The following PRDM5 variants were observed in gnomAD, a reference collection of about 807,000 sequenced individuals.
PRDM5 encodes PR domain zinc finger protein 5.
In PRDM5, 56 loss-of-function variants were observed where a neutral mutation model predicts 81.2. The observed-to-expected ratio is 0.69, with a 90% confidence interval of 0.56 to 0.86. PRDM5 has a LOEUF of 0.86. Among genes scored for constraint, PRDM5 ranks in the 40% least tolerant of loss-of-function variants. PRDM5 has a pLI of 0.00. For missense variants in PRDM5, 697 were observed against 770.1 expected (o/e 0.91, Z 1.12); for synonymous variants, 267 against 256.4 (o/e 1.04, Z -0.39).
At position 120,698,063 on chromosome 4, in the gene PRDM5, C is replaced by T. The variant is rs1220314081; in HGVS notation, c.1729-2788G>A. On this transcript the variant is annotated intron_variant, in intron 15 of 15. Transcript: ENST00000264808. The stretch of plus-strand genomic sequence containing the variant: ...TTGTCTTCTTTTGTCTCCATATTTC[C>T]TCATTCTTCTCTAATTAAAAAGTAC... 2.0e-5 allele frequency among the ~76,000 whole-genome samples: 3 copies of T among 151,790 alleles called. No homozygotes were observed. The East Asian group carries it at 5.8e-4, about 29-fold the overall frequency.
chr4:120,872,312 G>A (rs1223741668), intron 2 of PRDM5, among the ~76,000 whole-genome samples: 1 of 151,970 alleles, frequency 6.6e-6, no homozygotes, highest in African/African-American at 2.4e-5. Flanking sequence ...TTCCACTGAG[G>A]AATGAATGGA....
At chr4:120,724,548 G>A (rs994559897) in intron 14 of PRDM5, among the ~76,000 whole-genome samples, 4 of 152,168 alleles carry the variant, frequency 2.6e-5, no homozygotes, top group Admixed American at 1.3e-4. Context: ...ACATAGAACT[G>A]AACTAATTCA....
intron 8 of PRDM5, among the ~76,000 whole-genome samples, chr4:120,810,777 A>G (rs980983043): frequency 5.6e-4 from 85 of 152,258 alleles, no homozygotes; most frequent in Non-Finnish European, 3.7e-4. Flanking sequence ...TGCTTGTCCT[A>G]TTATTTCTCC....
intron 14 of PRDM5, among the ~76,000 whole-genome samples, chr4:120,725,914 G>A (rs1023591657): frequency 5.3e-5 from 8 of 151,838 alleles, no homozygotes; most frequent in South Asian, 2.1e-4. Flanking sequence ...CTCTCATCTC[G>A]TATCTAAATA....
At chr4:120,787,737 C>T (rs915250301) in intron 10 of PRDM5, among the ~76,000 whole-genome samples, 2 of 152,100 alleles carry the variant, frequency 1.3e-5, no homozygotes, top group East Asian at 3.9e-4. Context: ...AACAGATATG[C>T]AGAAGAGCAG....
chr4:120,766,311 A>G (rs1488553586), intron 13 of PRDM5, among the ~76,000 whole-genome samples: 1 of 152,226 alleles, frequency 6.6e-6, no homozygotes, highest in African/African-American at 2.4e-5. Context: ...CTTCAAGGAA[A>G]TTAGCCAACT....
chr4:120,916,904 C>A (rs1392845667), intron 1 of PRDM5, among the ~76,000 whole-genome samples: 1 of 152,254 alleles, frequency 6.6e-6, no homozygotes, highest in Non-Finnish European at 1.5e-5. Flanking sequence ...TCACCTCTCA[C>A]ATGGATTACT....
intron 13 of PRDM5, among the ~76,000 whole-genome samples, chr4:120,759,853 C>T (rs1745337504): frequency 6.6e-6 from 1 of 151,936 alleles, no homozygotes; most frequent in Admixed American, 6.6e-5. Flanking sequence ...TGAAAATTAG[C>T]CAAAAAAGTA....
intron 15 of PRDM5, among the ~76,000 whole-genome samples, chr4:120,702,707 G>A (rs1190702362): frequency 6.6e-6 from 1 of 152,130 alleles, no homozygotes; most frequent in African/African-American, 2.4e-5. Flanking sequence ...AAGTATCAAT[G>A]GAGAGTATTT....
At chr4:120,787,287 T>A (rs10033707) in intron 10 of PRDM5, among the ~76,000 whole-genome samples, 3 of 151,848 alleles carry the variant, frequency 2.0e-5, no homozygotes, top group Non-Finnish European at 4.4e-5. Flanking sequence ...CCATGTGAAA[T>A]GGGCAGAGAA....
rs560947053 is a variant in PRDM5, at chr4:120,763,309, C to T, written c.1538-8671G>A. ...ATGCAAATTTTTTTAAAAAAGAATA[C>T]GAGATGCAGAATGAAAAGAGGTGAG... On this transcript the variant is annotated intron_variant, in intron 13 of 15. Transcript: ENST00000264808. Among the ~76,000 whole-genome samples the T allele has an allele frequency of 5.9e-5, 9 of 152,010 alleles. No homozygotes were observed. The South Asian group carries it at 1.5e-3, about 25-fold the overall frequency.
intron 10 of PRDM5, among the ~76,000 whole-genome samples, chr4:120,789,752 T>A (rs1467779237): frequency 6.6e-6 from 1 of 152,176 alleles, no homozygotes; most frequent in Non-Finnish European, 1.5e-5. Context: ...GTACTCCTCC[T>A]CACAAAATAA....
At chr4:120,920,369 A>C (rs1458785561) in intron 1 of PRDM5, among the ~76,000 whole-genome samples, 1 of 152,236 alleles carries the variant, frequency 6.6e-6, no homozygotes, top group Non-Finnish European at 1.5e-5. Flanking sequence ...TAGAGAGCAT[A>C]AAAACTTTTA....
rs574952189 is a variant in PRDM5, at chr4:120,710,429, A to G, written c.1624-16T>C. 1 of 1,608,778 alleles carries G rather than the reference A, an allele frequency of 6.2e-7. No individual in the cohort carries two copies. Among genetic ancestry groups the G allele is most frequent in the South Asian group, 1.1e-5 (1 of 90,956 alleles). ...ACGGCTTCTCCTGCAGTCAACAAAA[A>G]GAGACCACCAAAATTGCCAGTGAAT... On this transcript the variant is annotated splice_polypyrimidine_tract_variant and intron_variant, in intron 14 of 15. Coordinates refer to ENST00000264808, the MANE Select transcript of PRDM5 (RefSeq NM_018699.4).
chr4:120,734,448 C>T (rs1047184900), intron 14 of PRDM5, among the ~76,000 whole-genome samples: 1 of 134,840 alleles, frequency 7.4e-6, no homozygotes, highest in East Asian at 2.0e-4. Flanking sequence ...ACACACACAC[C>T]CTTACTCACT....
intron 8 of PRDM5, among the ~76,000 whole-genome samples, chr4:120,806,212 T>A (rs13241727): frequency 1.3e-5 from 2 of 152,170 alleles, no homozygotes; most frequent in African/African-American, 2.4e-5. Context: ...CACAAACAAA[T>A]GGAAGAACGT....
At position 120,721,877 on chromosome 4, in the gene PRDM5, G is replaced by T. The variant is rs532207075; in HGVS notation, c.1624-11464C>A. The stretch of plus-strand genomic sequence containing the variant: ...ACTTGGCTCTAAGCCACTATTATCT[G>T]TAAAAGGTATAATTGCCCTGTTGAC... On this transcript the variant is annotated intron_variant, in intron 14 of 15. Coordinates refer to ENST00000264808, the MANE Select transcript of PRDM5 (RefSeq NM_018699.4). 3.9e-5 allele frequency among the ~76,000 whole-genome samples: 6 copies of T among 152,320 alleles called. No individual in the cohort carries two copies. In the East Asian group the frequency reaches 1.2e-3, roughly 30 times the overall value.
intron 2 of PRDM5, among the ~76,000 whole-genome samples, chr4:120,876,845 G>A (rs1455613677): frequency 6.6e-6 from 1 of 152,130 alleles, no homozygotes; most frequent in Non-Finnish European, 1.5e-5. Context: ...GAACTAGGAT[G>A]TACTATGTTT....
intron 6 of PRDM5, 30 bp downstream of exon 6, chr4:120,816,802 A>G (rs778481122): frequency 1.2e-5 from 19 of 1,586,978 alleles, no homozygotes; most frequent in Non-Finnish European, 1.6e-5. Context: ...ACAATTATAT[A>G]ACAGCCATTT....
Sources: allele counts gnomAD v4.1 joint callset (sites outside exome capture counted in the v4.1 genomes callset), GRCh38; gene constraint gnomAD v4.1.1; transcripts MANE v1.5; gene names NCBI Gene and HGNC (gene_info 2026-07-23, HGNC 2026-07-21).